PCBP3: variants seen among roughly 807,000 people sequenced by gnomAD.
The protein encoded by PCBP3 is poly(rC) binding protein 3.
PCBP3 carries 25 observed loss-of-function variants against 52.7 expected under a neutral mutation model. That is an observed-to-expected ratio of 0.47 (90% CI 0.35 to 0.66). PCBP3 has a LOEUF of 0.66. Among genes scored for constraint, PCBP3 ranks in the 30% least tolerant of loss-of-function variants. The pLI, the probability that PCBP3 is intolerant of heterozygous loss-of-function variation, is 0.01. For synonymous variants in PCBP3, 162 were observed against 183.0 expected, an observed-to-expected ratio of 0.89 and a Z score of 0.93; for missense variants, 391 against 490.3, an observed-to-expected ratio of 0.80 and a Z score of 1.91.
chr21:45,668,697 AT>A (rs1569096634), intron 1 of PCBP3, among the ~76,000 whole-genome samples, 176 bp from the exon 2 acceptor site: 1 of 152,152 alleles, frequency 6.6e-6, no homozygotes, highest in Non-Finnish European at 1.5e-5. Context: ...AAATTTCTAG[AT>A]TTCTAAAAAA....
At chr21:45,663,338 T>C (rs575798485) in intron 1 of PCBP3, among the ~76,000 whole-genome samples, 5 of 152,158 alleles carry the variant, frequency 3.3e-5, no homozygotes, top group African/African-American at 1.2e-4. Flanking sequence ...GGGCCACTAC[T>C]GGTGTCCGCG....
chr21:45,700,966 C>T (rs1176212634), intron 2 of PCBP3, among the ~76,000 whole-genome samples: 1 of 152,176 alleles, frequency 6.6e-6, no homozygotes, highest in Non-Finnish European at 1.5e-5. Context: ...CCCTGATCCC[C>T]TTCTCAGAAC....
At chr21:45,778,643 C>T (rs1486952626) in intron 4 of PCBP3, among the ~76,000 whole-genome samples, 1 of 152,154 alleles carries the variant, frequency 6.6e-6, no homozygotes, top group African/African-American at 2.4e-5. Flanking sequence ...GGAGATGAGA[C>T]CCAAACTCAA....
chr21:45,910,020 G>GCCCACCCACTGCCCAGATACGGACCCCC (rs1569485106), intron 10 of PCBP3, among the ~76,000 whole-genome samples: 2 of 37,412 alleles, frequency 5.3e-5, no homozygotes, highest in Non-Finnish European at 9.9e-5. Context: ...TATGGACCTG[G>GCCCACCCACTGCCCAGATACGGACCCCC]CCCACCCACT....
chr21:45,935,279 A>G lies in PCBP3; in HGVS notation c.883A>G (p.Thr295Ala). ...TCTGGACGCCAGCCCACCGGCCAGC[A>G]CTCATGAGCTCACCATTCCCAATGA... ...SGLDASPPASTHELTIPNDLI... is the reference protein window; with the variant it reads ...SGLDASPPASAHELTIPNDLI... The change falls in exon 16 of 18, where the codon ACT (threonine) becomes GCT (alanine). Residue 295 changes from threonine (T) to alanine (A), a missense_variant. Coordinates refer to ENST00000681687, the MANE Select transcript of PCBP3 (RefSeq NM_001384156.1). 6.2e-7 allele frequency: 1 copy of G among 1,613,302 alleles called. No homozygotes were observed.
At chr21:45,765,965 G>C (rs2089278629) in intron 4 of PCBP3, among the ~76,000 whole-genome samples, 1 of 152,226 alleles carries the variant, frequency 6.6e-6, no homozygotes, top group Admixed American at 6.5e-5. Flanking sequence ...GATGAGTGCA[G>C]TAACGTTAAT....
intron 13 of PCBP3, among the ~76,000 whole-genome samples, chr21:45,922,108 C>T (rs541499584): frequency 7.2e-4 from 109 of 152,256 alleles, no homozygotes; most frequent in African/African-American, 2.5e-3. Flanking sequence ...AGAAACAGCA[C>T]CTGAGACCTG....
intron 4 of PCBP3, among the ~76,000 whole-genome samples, chr21:45,813,133 T>C (rs1179372335): frequency 6.6e-6 from 1 of 152,212 alleles, no homozygotes; most frequent in Non-Finnish European, 1.5e-5. Context: ...TCTTCTCTTC[T>C]GGGACTCCAG....
chr21:45,737,680 GA>G lies in PCBP3; in HGVS notation c.-162+2254del, dbSNP rs1234775865. The stretch of plus-strand genomic sequence containing the variant: ...TGGAGGCTGCAGCAGGCAGATTCTG[GA>G]AATTCCCTGAGGCCTTCGTTCAGTA... On this transcript the variant is annotated intron_variant, in intron 3 of 17. Coordinates refer to ENST00000681687, the MANE Select transcript of PCBP3 (RefSeq NM_001384156.1). This position sits in a 1 kb window ranked among gnomAD's most constrained non-coding sequence, Gnocchi z 4.9. 1.3e-5 allele frequency among the ~76,000 whole-genome samples: 2 copies of G among 152,230 alleles called. No homozygotes were observed. The highest frequency in any genetic ancestry group is 2.9e-5 in the Non-Finnish European group (2 of 68,046).
chr21:45,759,263 G>C (rs1025798594), intron 4 of PCBP3, among the ~76,000 whole-genome samples: 4 of 152,120 alleles, frequency 2.6e-5, no homozygotes, highest in Non-Finnish European at 5.9e-5. Flanking sequence ...TTGTTTATTA[G>C]AATTTGCCAT....
chr21:45,878,214 C>T (rs1486799428), intron 5 of PCBP3, among the ~76,000 whole-genome samples: 1 of 152,244 alleles, frequency 6.6e-6, no homozygotes, highest in Non-Finnish European at 1.5e-5. Flanking sequence ...ACTTTTCTCT[C>T]CCACCAGAGG....
chr21:45,872,394 C>T (rs2095065527), intron 5 of PCBP3: 1 of 152,182 alleles, frequency 6.6e-6, no homozygotes, highest in African/African-American at 2.4e-5. Context: ...GTAATGAAAG[C>T]TGGAAGGAGA....
At chr21:45,664,517 A>C (rs976063912) in intron 1 of PCBP3, among the ~76,000 whole-genome samples, 1 of 151,940 alleles carries the variant, frequency 6.6e-6, no homozygotes, top group Non-Finnish European at 1.5e-5. Flanking sequence ...ACAGGATAGA[A>C]TATTTCAAGG....
intron 11 of PCBP3, among the ~76,000 whole-genome samples, chr21:45,911,921 G>A (rs56326504): frequency 0.029 from 4,492 of 152,360 alleles, 74 homozygotes; most frequent in Middle Eastern, 0.041. Context: ...TGGTTAGGGC[G>A]AAAGTGCCAT....
rs200107067 is a variant in PCBP3 at position 45,901,096 on chromosome 21, G to A, written c.322G>A (p.Ala108Thr). 23 of 1,612,066 alleles carry A rather than the reference G, an allele frequency of 1.4e-5. No homozygotes were observed. Among genetic ancestry groups the A allele is most frequent in the South Asian group, 1.3e-4 (12 of 91,046 alleles). ...DAIFKAFAMI[A>T]YKFEEDIINS... is the part of the protein sequence containing the mutation. ...CATCTTCAAGGCCTTTGCCATGATC[G>A]CATACAAGTTTGAGGAGGTAACCTG... The change falls in exon 9 of 18, where the codon GCA becomes ACA. Residue 108 changes from alanine to threonine, a missense_variant. Transcript: ENST00000681687.
chr21:45,684,724 C>T (rs1232804663), intron 2 of PCBP3, among the ~76,000 whole-genome samples: 5 of 152,178 alleles, frequency 3.3e-5, no homozygotes, highest in African/African-American at 1.2e-4. Context: ...GCCCGCAGAG[C>T]CATGAGCCAA....
At chr21:45,909,936 CCA>C (rs2096318888) in intron 10 of PCBP3, among the ~76,000 whole-genome samples, 4 of 96,012 alleles carry the variant, frequency 4.2e-5, no homozygotes, top group African/African-American at 1.2e-4. Flanking sequence ...ATGGACCCCC[CCA>C]ACCCACTTCC....
At chr21:45,781,591 T>G (rs1312421335) in intron 4 of PCBP3, among the ~76,000 whole-genome samples, 1 of 152,184 alleles carries the variant, frequency 6.6e-6, no homozygotes, top group Non-Finnish European at 1.5e-5. Context: ...AACCAAGAGC[T>G]TATTAAATAC....
chr21:45,803,840 C>G (rs1276317709), intron 4 of PCBP3, among the ~76,000 whole-genome samples: 1 of 152,224 alleles, frequency 6.6e-6, no homozygotes, highest in Non-Finnish European at 1.5e-5. Flanking sequence ...GGAGGTGACC[C>G]TGTGCCAGGG....
Sources: allele counts gnomAD v4.1 joint callset (sites outside exome capture counted in the v4.1 genomes callset), GRCh38; gene constraint gnomAD v4.1.1; non-coding constraint Gnocchi (gnomAD v3.1); transcripts MANE v1.5; gene names NCBI Gene and HGNC (gene_info 2026-07-23, HGNC 2026-07-21).